Variants in HMGN5 observed in about 807,000 individuals in gnomAD.
HMGN5 encodes the protein high mobility group nucleosome-binding domain-containing protein 5.
Under a neutral mutation model 9.5 loss-of-function variants are expected in HMGN5, and 4 were observed. The observed-to-expected ratio is 0.42, with a 90% CI of 0.21 to 0.96. The LOEUF is 0.96. HMGN5 is among the 40% of genes least tolerant of loss of function. The pLI is 0.30. For synonymous variants in HMGN5, 55 were observed against 57.1 expected, an observed-to-expected ratio of 0.96 and a Z score of 0.16; for missense variants, 192 against 187.5, an observed-to-expected ratio of 1.02 and a Z score of -0.14.
intron 1 of HMGN5, among the ~76,000 whole-genome samples, chrX:81,182,889 G>A (rs1478699813): frequency 2.7e-5 from 3 of 111,842 alleles, no homozygotes; most frequent in Admixed American, 9.5e-5. Flanking sequence ...GTAATGGGCA[G>A]AGGTTGGAAG....
chrX:81,196,534 TTTGTTTGTTTG>T (rs1386763404), intron 1 of HMGN5, among the ~76,000 whole-genome samples: 2 of 108,536 alleles, frequency 1.8e-5, no homozygotes, highest in African/African-American at 6.8e-5. Context: ...ATGGGTTTTT[TTTGTTTGTTTG>T]TTTTTTGTTT....
intron 1 of HMGN5, among the ~76,000 whole-genome samples, chrX:81,145,044 G>T (rs557346389): frequency 1.8e-5 from 2 of 111,822 alleles, no homozygotes; most frequent in South Asian, 7.5e-4. Flanking sequence ...TGAAAGTGAC[G>T]GGGAGAATGG....
At chrX:81,116,951 C>T (rs1414056875) in intron 5 of HMGN5, among the ~76,000 whole-genome samples, 2 of 110,490 alleles carry the variant, frequency 1.8e-5, no homozygotes, top group Admixed American at 9.7e-5. Flanking sequence ...ATTGAGGGGC[C>T]GGAAAACCTG....
chrX:81,127,005 T>C (rs1347694086), intron 1 of HMGN5, among the ~76,000 whole-genome samples: 1 of 111,634 alleles, frequency 9.0e-6, no homozygotes, highest in Non-Finnish European at 1.9e-5. Context: ...TTTAAAATCT[T>C]AATATGATAG....
intron 1 of HMGN5, among the ~76,000 whole-genome samples, chrX:81,169,921 G>C (rs1202790700): frequency 9.2e-6 from 1 of 108,651 alleles, no homozygotes; most frequent in Non-Finnish European, 1.9e-5. Context: ...AGGCATGGTG[G>C]TGCGCTCCTG....
chrX:81,176,008 A>G (rs2075440645), intron 1 of HMGN5, among the ~76,000 whole-genome samples: 1 of 111,661 alleles, frequency 9.0e-6, no homozygotes, highest in Non-Finnish European at 1.9e-5. Context: ...CCTAACTGGG[A>G]GACACTTCCC....
At chrX:81,146,824 C>T (rs372437424) in intron 1 of HMGN5, among the ~76,000 whole-genome samples, 43 of 111,537 alleles carry the variant, frequency 3.9e-4, no homozygotes, top group Non-Finnish European at 5.8e-4. Flanking sequence ...ATATCACCAC[C>T]GATCCCACAG....
At chrX:81,148,656 C>T (rs1012418219) in intron 1 of HMGN5, among the ~76,000 whole-genome samples, 7 of 111,783 alleles carry the variant, frequency 6.3e-5, no homozygotes, top group African/African-American at 2.3e-4. Context: ...TAAAGAGGTT[C>T]TGCACAGCAA....
At chrX:81,146,744 C>T (rs1183348826) in intron 1 of HMGN5, among the ~76,000 whole-genome samples, 1 of 111,564 alleles carries the variant, frequency 9.0e-6, no homozygotes, top group Non-Finnish European at 1.9e-5. Context: ...AATAGATAGA[C>T]TGCTAGTCAG....
intron 1 of HMGN5, among the ~76,000 whole-genome samples, chrX:81,123,165 A>C (rs937244071): frequency 4.5e-5 from 5 of 110,442 alleles, no homozygotes; most frequent in Non-Finnish European, 7.6e-5. Context: ...AGAATAACCC[A>C]TTGTAATTAT....
intron 1 of HMGN5, among the ~76,000 whole-genome samples, chrX:81,176,551 C>T (rs373842535): frequency 2.7e-5 from 3 of 111,244 alleles, no homozygotes; most frequent in South Asian, 3.9e-4. Context: ...AAAGGTTAGA[C>T]GAATGGCTAA....
At chrX:81,165,593 C>T (rs778742057) in intron 1 of HMGN5, among the ~76,000 whole-genome samples, 13 of 111,299 alleles carry the variant, frequency 1.2e-4, no homozygotes, top group Admixed American at 4.8e-4. Context: ...AAGTCTAAGA[C>T]GTAAGTTAAC....
At chrX:81,182,242 C>T (rs1039997872) in intron 1 of HMGN5, among the ~76,000 whole-genome samples, 5 of 112,068 alleles carry the variant, frequency 4.5e-5, no homozygotes, top group Non-Finnish European at 9.4e-5. Flanking sequence ...ATTTTTATGT[C>T]TTCATTTGAG....
chrX:81,113,749 AT>A lies in HMGN5; in HGVS notation c.*899del. On this transcript the variant is annotated 3_prime_UTR_variant, in exon 7 of 7. Coordinates refer to ENST00000358130, the MANE Select transcript of HMGN5 (RefSeq NM_030763.3). ...GTTCAGAATAGGCAAATCCATAGAG[AT>A]AGAAGGCAGATTAGTGGTTGCCAAG... 3 of 113,827 alleles carry A rather than the reference AT, an allele frequency of 2.6e-5. No individual in the cohort carries two copies. 9.4% of individuals were successfully genotyped at this position (113,827 alleles called of 1,213,427 possible).
At chrX:81,141,857 A>C (rs190841646) in intron 1 of HMGN5, among the ~76,000 whole-genome samples, 1 of 112,114 alleles carries the variant, frequency 8.9e-6, no homozygotes, top group African/African-American at 3.2e-5. Flanking sequence ...TGAACTAAAT[A>C]AGGAATCAGG....
chrX:81,174,664 C>T (rs906612505), intron 1 of HMGN5, among the ~76,000 whole-genome samples: 1 of 111,181 alleles, frequency 9.0e-6, no homozygotes, highest in African/African-American at 3.3e-5. Context: ...ATTTATCCTC[C>T]ATCAAATAAG....
intron 1 of HMGN5, among the ~76,000 whole-genome samples, chrX:81,157,687 A>C (rs1166002318): frequency 8.9e-6 from 1 of 111,821 alleles, no homozygotes; most frequent in Admixed American, 9.5e-5. Flanking sequence ...ATTTTCCATC[A>C]AATAGGATAT....
Position 81,114,846 on chromosome X carries a change from C to T in HMGN5, c.652G>A (p.Gly218Arg), listed in dbSNP as rs2075248348. 1 of 1,160,837 alleles carries T rather than the reference C, an allele frequency of 8.6e-7. No individual in the cohort carries two copies. Among genetic ancestry groups the T allele is most frequent in the Non-Finnish European group, 1.1e-6 (1 of 870,952 alleles). The part of the protein sequence containing the change: ...GKENEDGKEK[G>R]DKKEGKDVKV... ...ACATCTTTCCCCTCTTTTTTATCTC[C>T]CTTCTCTTTTCCATCTTCATTCTCT... The change falls in exon 7 of 7, where the codon GGA becomes AGA. Residue 218 changes from glycine to arginine, a missense_variant. Physicochemically the swap from Gly to Arg is moderately radical, Grantham distance 125. Transcript: ENST00000358130.
In HMGN5 at chrX:81,185,845, A is replaced by G. The variant is rs761502484; in HGVS notation, c.-124+15892T>C. Among the ~76,000 whole-genome samples, 3 of 111,361 alleles carry G rather than the reference A, an allele frequency of 2.7e-5. No homozygotes were observed. In the South Asian group the frequency reaches 1.1e-3, roughly 41 times the overall value. ...TGAAGGGATGTTGGATTTTTTTCAA[A>G]TGCTTTTTTAGCATCAATTGAAATA... On this transcript the variant is annotated intron_variant, in intron 1 of 6. Coordinates refer to ENST00000358130, the MANE Select transcript of HMGN5 (RefSeq NM_030763.3).
Sources: allele counts gnomAD v4.1 joint callset (sites outside exome capture counted in the v4.1 genomes callset), GRCh38; gene constraint gnomAD v4.1.1; transcripts MANE v1.5; gene names NCBI Gene and HGNC (gene_info 2026-07-23, HGNC 2026-07-21).